LEPR: variants seen among roughly 807,000 people sequenced by gnomAD.
LEPR encodes OB receptor.
In LEPR, 56 loss-of-function variants were observed where a neutral mutation model predicts 114.7. That is an observed-to-expected ratio of 0.49 (90% CI 0.39 to 0.61). LEPR has a LOEUF of 0.61. LEPR is among the 20% of genes least tolerant of loss of function. The pLI is 0.00. For synonymous variants in LEPR, 443 were observed against 461.4 expected (o/e 0.96, Z 0.51); for missense variants, 1,202 against 1,352.9 (o/e 0.89, Z 1.75).
intron 2 of LEPR, among the ~76,000 whole-genome samples, chr1:65,544,330 G>A (rs2100677285): frequency 6.6e-6 from 1 of 152,118 alleles, no homozygotes; most frequent in South Asian, 2.1e-4. Flanking sequence ...ATCAGCTTAA[G>A]GAGATTTTGG....
intron 1 of LEPR, chr1:65,421,265 G>T: frequency 6.9e-7 from 1 of 1,457,014 alleles, no homozygotes; most frequent in South Asian, 1.4e-5. Flanking sequence ...TCGCAGTCGT[G>T]GAGAGTAGAT....
chr1:65,456,631 CTT>C (rs1646880188), intron 2 of LEPR, among the ~76,000 whole-genome samples: 3 of 152,200 alleles, frequency 2.0e-5, no homozygotes, highest in African/African-American at 7.2e-5. Flanking sequence ...TAGAGGTACT[CTT>C]GTTTTCTTTT....
At position 65,616,045 on chromosome 1, in the gene LEPR, G is replaced by C. The variant is rs773360708; in HGVS notation, c.2033G>C (p.Arg678Thr). Residue 678 changes from arginine (R) to threonine (T), a missense_variant, in exon 15 of 20, where the codon AGA (arginine) becomes ACA (threonine). Arg to Thr is a moderately conservative substitution (Grantham distance 71). Transcript: ENST00000349533. The stretch of plus-strand genomic sequence containing the variant: ...AATGACTCATTGTGCAGTGTTCAGA[G>C]ATATGTGATAAACCATCATACTTCC... ...MKNDSLCSVQRYVINHHTSCN... is the reference protein window; with the variant it reads ...MKNDSLCSVQTYVINHHTSCN... 6.2e-6 allele frequency: 10 copies of C among 1,614,120 alleles called. No individual in the cohort carries two copies. The Admixed American group carries it at 1.5e-4, about 24-fold the overall frequency.
intron 5 of LEPR, among the ~76,000 whole-genome samples, chr1:65,588,796 A>T (rs1655494614): frequency 6.6e-6 from 1 of 152,142 alleles, no homozygotes; most frequent in Admixed American, 6.6e-5. Flanking sequence ...GCATTCCACT[A>T]AATGGTTATA....
chr1:65,483,316 T>C (rs942542561), intron 2 of LEPR, among the ~76,000 whole-genome samples: 8 of 152,138 alleles, frequency 5.3e-5, no homozygotes, highest in Non-Finnish European at 1.2e-4. Context: ...CTTAGTAATC[T>C]TGGAAATGAA....
At chr1:65,495,825 C>CATAT (rs1648126973) in intron 2 of LEPR, among the ~76,000 whole-genome samples, 4 of 152,154 alleles carry the variant, frequency 2.6e-5, no homozygotes, top group African/African-American at 9.7e-5. Flanking sequence ...CACAAGATCT[C>CATAT]ACTCATATAT....
At chr1:65,556,325 A>G (rs1652813044) in intron 2 of LEPR, among the ~76,000 whole-genome samples, 1 of 152,204 alleles carries the variant, frequency 6.6e-6, no homozygotes, top group South Asian at 2.1e-4. Flanking sequence ...AAATGAATGA[A>G]GAAAACTGCA....
At chr1:65,471,410 G>A (rs778421944) in intron 2 of LEPR, among the ~76,000 whole-genome samples, 2 of 152,180 alleles carry the variant, frequency 1.3e-5, no homozygotes, top group African/African-American at 4.8e-5. Flanking sequence ...ACACCCACAT[G>A]TTGAGATAAT....
chr1:65,514,146 A>C (rs751720784), intron 2 of LEPR, among the ~76,000 whole-genome samples: 67 of 152,210 alleles, frequency 4.4e-4, no homozygotes, highest in Admixed American at 7.9e-4. Context: ...TTGCCTTTCA[A>C]CTCTGAACAG....
At chr1:65,458,780 T>G (rs557977088) in intron 2 of LEPR, among the ~76,000 whole-genome samples, 1 of 152,336 alleles carries the variant, frequency 6.6e-6, no homozygotes, top group East Asian at 1.9e-4. Context: ...TTATTTTTTC[T>G]GTTCCTTTTT....
intron 2 of LEPR, among the ~76,000 whole-genome samples, chr1:65,443,660 C>A (rs1646677692): frequency 6.6e-6 from 1 of 152,102 alleles, no homozygotes; most frequent in South Asian, 2.1e-4. Flanking sequence ...ACATCTCGGT[C>A]TTCTTTTGGA....
chr1:65,462,545 T>C (rs1259736889), intron 2 of LEPR, among the ~76,000 whole-genome samples: 1 of 152,244 alleles, frequency 6.6e-6, no homozygotes, highest in Non-Finnish European at 1.5e-5. Flanking sequence ...AAATGGTATT[T>C]CTAGTTCTAG....
At position 65,472,411 on chromosome 1, in the gene LEPR, AACAC is replaced by A. The variant is rs71721804; in HGVS notation, c.-21+47064_-21+47067del. 4.4e-3 allele frequency among the ~76,000 whole-genome samples: 593 copies of A among 133,292 alleles called. 6 individuals carry two copies. The highest frequency in any genetic ancestry group is 0.013 in the African/African-American group (457 of 34,616). The allele number at this position is 133,292 out of a possible 152,430, so 87.4% of individuals were successfully genotyped here. A position where few individuals can be genotyped will look rare whatever the true frequency, so the allele number is the denominator to read the frequency against. On this transcript the variant is annotated intron_variant, in intron 2 of 19. Transcript: ENST00000349533. ...CTCTGGGTCATTTAGCTGTGGCTAA[AACAC>A]ACACACACACACACACACACACACA... is the stretch of plus-strand genomic sequence containing the variant.
intron 5 of LEPR, among the ~76,000 whole-genome samples, chr1:65,572,923 G>T (rs1476669718): frequency 6.6e-6 from 1 of 152,144 alleles, no homozygotes; most frequent in African/African-American, 2.4e-5. Flanking sequence ...CAGCTGCACG[G>T]CTGGCTCTCT....
At chr1:65,487,227 T>C (rs1247846698) in intron 2 of LEPR, among the ~76,000 whole-genome samples, 2 of 152,148 alleles carry the variant, frequency 1.3e-5, no homozygotes, top group Admixed American at 6.6e-5. Context: ...TGTCTGTCAG[T>C]TGTCACTTTT....
intron 19 of LEPR, among the ~76,000 whole-genome samples, chr1:65,625,308 C>T (rs892860257): frequency 6.6e-5 from 10 of 152,164 alleles, no homozygotes; most frequent in Middle Eastern, 3.4e-3. Context: ...CCTTTTGCCT[C>T]TCTAAAATAG....
At chr1:65,429,786 G>A in intron 2 of LEPR, 1 of 1,196,030 alleles carries the variant, frequency 8.4e-7, no homozygotes, top group South Asian at 2.5e-5. Flanking sequence ...CAATGATTTT[G>A]AAATAGTAGT....
In LEPR at chr1:65,633,731, G is replaced by A; in HGVS notation, c.2674-2460G>A. Reference sequence around the variant, plus strand: ...TCGGGTGTTCTTTTGAATATCTCCTGGCATTTTTGTATCTAACTTTGTTCA... The same window carrying A: ...TCGGGTGTTCTTTTGAATATCTCCTAGCATTTTTGTATCTAACTTTGTTCA... On this transcript the variant is annotated intron_variant, in intron 19 of 19. Coordinates refer to ENST00000349533, the MANE Select transcript of LEPR (RefSeq NM_002303.6). The surrounding 1 kb of genome is among the most constrained non-coding windows in gnomAD (Gnocchi z 4.1). The A allele has an allele frequency of 1.0e-6, 1 of 985,080 alleles. No homozygotes were observed. The highest frequency in any genetic ancestry group is 1.2e-6 in the Non-Finnish European group (1 of 829,688). 61.0% of individuals were successfully genotyped at this position (985,080 alleles called of 1,614,324 possible).
intron 17 of LEPR, among the ~76,000 whole-genome samples, chr1:65,620,561 A>G (rs1657816251): frequency 6.6e-6 from 1 of 152,174 alleles, no homozygotes; most frequent in Non-Finnish European, 1.5e-5. Context: ...AGGAAAACAA[A>G]AGCAAGATAA....
Sources: allele counts gnomAD v4.1 joint callset (sites outside exome capture counted in the v4.1 genomes callset), GRCh38; gene constraint gnomAD v4.1.1; non-coding constraint Gnocchi (gnomAD v3.1); transcripts MANE v1.5; gene names NCBI Gene and HGNC (gene_info 2026-07-23, HGNC 2026-07-21).